The following GAS7 variants were observed in gnomAD, a reference collection of about 807,000 sequenced individuals.
GAS7 encodes growth arrest-specific protein 7.
A neutral mutation model predicts 71.1 loss-of-function variants in GAS7; 28 were observed. The observed-to-expected ratio is 0.39, with a 90% CI of 0.29 to 0.54. The LOEUF is 0.54. Ranked by LOEUF, GAS7 falls within the 20% of genes least tolerant of loss-of-function variation. The pLI is 0.62. For missense variants in GAS7, 436 were observed against 627.8 expected, an observed-to-expected ratio of 0.69 and a Z score of 3.27; for synonymous variants, 258 against 245.8, an observed-to-expected ratio of 1.05 and a Z score of -0.46.
At chr17:10,175,313 A>G (rs2074365962) in intron 1 of GAS7, among the ~76,000 whole-genome samples, 1 of 150,102 alleles carries the variant, frequency 6.7e-6, no homozygotes. Flanking sequence ...TGCCTACCCA[A>G]GCCCAGGGTA....
intron 3 of GAS7, among the ~76,000 whole-genome samples, chr17:9,972,531 C>A (rs1048802811): frequency 6.6e-6 from 1 of 152,122 alleles, no homozygotes; most frequent in Admixed American, 6.6e-5. Flanking sequence ...ATAAAGAAGA[C>A]CCGAATAATT....
rs560359208 is a variant in GAS7 at position 10,056,376 on chromosome 17, T to C, written c.184-36479A>G. Among the ~76,000 whole-genome samples the C allele has an allele frequency of 2.0e-5, 3 of 152,150 alleles. No individual in the cohort carries two copies. In the South Asian group the frequency reaches 6.2e-4, roughly 32 times the overall value. ...CAGGCATGATGGTGCACACCTGTAGTCCCAGCTACTCAGGAGGCCGAGGTG... is the reference window on the plus strand; with the variant it reads ...CAGGCATGATGGTGCACACCTGTAGCCCCAGCTACTCAGGAGGCCGAGGTG... On this transcript the variant is annotated intron_variant, in intron 1 of 13. Transcript: ENST00000432992.
intron 5 of GAS7, among the ~76,000 whole-genome samples, chr17:9,956,786 C>T (rs1039220174): frequency 1.3e-5 from 2 of 152,184 alleles, no homozygotes; most frequent in Non-Finnish European, 2.9e-5. Flanking sequence ...TCAGACAGCA[C>T]GGGAAGCGGC....
intron 1 of GAS7, among the ~76,000 whole-genome samples, chr17:10,021,106 C>G (rs974086172): frequency 5.3e-5 from 8 of 152,130 alleles, no homozygotes; most frequent in Non-Finnish European, 1.2e-4. Flanking sequence ...CAAATTAGCC[C>G]GTAAGATTGC....
At chr17:10,190,811 C>T (rs72810958) in intron 1 of GAS7, among the ~76,000 whole-genome samples, 3,841 of 151,484 alleles carry the variant, frequency 0.025, 89 homozygotes, top group South Asian at 0.099. Flanking sequence ...AATACACTAA[C>T]GCTACTATAG....
At chr17:9,931,516 A>G (rs1472751082) in intron 9 of GAS7, among the ~76,000 whole-genome samples, 2 of 152,198 alleles carry the variant, frequency 1.3e-5, no homozygotes, top group African/African-American at 2.4e-5. Context: ...AGTCAATGGA[A>G]GTTTCTACCA....
intron 1 of GAS7, among the ~76,000 whole-genome samples, chr17:10,164,305 G>A (rs2953451): frequency 0.079 from 12,020 of 151,976 alleles, 533 homozygotes; most frequent in Admixed American, 0.11. Flanking sequence ...AGCGGGGCTT[G>A]GTGGTGCGCG....
chr17:10,163,899 A>G (rs944960168), intron 1 of GAS7, among the ~76,000 whole-genome samples: 4 of 152,240 alleles, frequency 2.6e-5, no homozygotes, highest in African/African-American at 9.6e-5. Flanking sequence ...TGAGGATTAC[A>G]TTAGAGAACG....
intron 1 of GAS7, among the ~76,000 whole-genome samples, chr17:10,075,150 G>A (rs2073377413): frequency 6.6e-6 from 1 of 152,080 alleles, no homozygotes; most frequent in Non-Finnish European, 1.5e-5. Context: ...GAGGTCAGGA[G>A]TTTGAGACCA....
intron 2 of GAS7, among the ~76,000 whole-genome samples, chr17:10,001,845 T>A (rs1179493678): frequency 6.6e-6 from 1 of 152,130 alleles, no homozygotes. Flanking sequence ...AATCCATCTC[T>A]CTTGGAACTG....
intron 2 of GAS7, among the ~76,000 whole-genome samples, chr17:9,989,711 G>A (rs2070770030): frequency 1.3e-5 from 2 of 152,112 alleles, no homozygotes; most frequent in African/African-American, 2.4e-5. Flanking sequence ...GAATGGCCAG[G>A]GAAGGCCTCA....
chr17:9,934,837 G>C (rs1156357422), intron 8 of GAS7, among the ~76,000 whole-genome samples: 1 of 152,224 alleles, frequency 6.6e-6, no homozygotes, highest in East Asian at 1.9e-4. Context: ...CTGGGTTCAA[G>C]CGATTCTCCT....
At chr17:10,048,424 G>A (rs1316213224) in intron 1 of GAS7, among the ~76,000 whole-genome samples, 1 of 152,180 alleles carries the variant, frequency 6.6e-6, no homozygotes, top group Non-Finnish European at 1.5e-5. Context: ...CCTACCAATG[G>A]CTAGAGAGCT....
chr17:10,114,343 C>A (rs1053435663), intron 1 of GAS7: 2 of 152,186 alleles, frequency 1.3e-5, no homozygotes, highest in Non-Finnish European at 2.9e-5. Flanking sequence ...CTCGTTGTGC[C>A]CTGCCCTGCA....
intron 1 of GAS7, among the ~76,000 whole-genome samples, chr17:10,041,391 T>C (rs1051881716): frequency 1.3e-5 from 2 of 152,118 alleles, no homozygotes; most frequent in Admixed American, 1.3e-4. Flanking sequence ...GACGAACAGA[T>C]ACAATCACAG....
In GAS7 at chr17:9,981,741, C is replaced by T. The variant is rs540528017; in HGVS notation, c.385+63G>A. The T allele has an allele frequency of 1.0e-4, 96 of 929,964 alleles. No individual in the cohort carries two copies. In the African/African-American group the frequency reaches 1.4e-3, roughly 13 times the overall value. 57.6% of individuals were successfully genotyped at this position (929,964 alleles called of 1,614,324 possible). The stretch of plus-strand genomic sequence containing the variant: ...TAAGACCCAGGACCCATCATCTCAG[C>T]CTCTCCACTGAATGTGGCATCAGGG... On this transcript the variant is annotated intron_variant, in intron 3 of 13. Transcript: ENST00000432992. The surrounding 1 kb of genome is among the most constrained non-coding windows in gnomAD (Gnocchi z 4.4).
intron 2 of GAS7, among the ~76,000 whole-genome samples, chr17:10,009,447 A>G (rs1325033702): frequency 1.3e-5 from 2 of 152,110 alleles, no homozygotes; most frequent in South Asian, 4.1e-4. Flanking sequence ...CAAGAAAATT[A>G]CTATTTGGCA....
At chr17:9,930,025 G>A (rs2068153388) in intron 9 of GAS7, among the ~76,000 whole-genome samples, 1 of 152,180 alleles carries the variant, frequency 6.6e-6, no homozygotes, top group South Asian at 2.1e-4. Flanking sequence ...CAAGTTGGTA[G>A]GAATTTCAGA....
chr17:9,968,614 T>G (rs2069821828), intron 4 of GAS7, among the ~76,000 whole-genome samples: 1 of 152,234 alleles, frequency 6.6e-6, no homozygotes, highest in East Asian at 1.9e-4. Context: ...TTCAGCTGAT[T>G]ATACTAACAG....
Sources: gnomAD v4.1 joint callset for allele counts (sites outside exome capture counted in the v4.1 genomes callset) on GRCh38, gnomAD v4.1.1 for gene constraint, Gnocchi (gnomAD v3.1) non-coding constraint, MANE v1.5 for transcripts, NCBI Gene and HGNC (gene_info 2026-07-23, HGNC 2026-07-21) for gene names.